Variants in JADE1 observed in about 807,000 individuals in gnomAD.
JADE1 encodes protein Jade-1.
Under a neutral mutation model 81.8 loss-of-function variants are expected in JADE1, and 14 were observed. The observed-to-expected ratio is 0.17, with a 90% CI of 0.11 to 0.27. JADE1 has a LOEUF of 0.27. Among genes scored for constraint, JADE1 ranks in the 10% least tolerant of loss-of-function variants. The probability of loss-of-function intolerance (pLI) is 1.00; values close to 1 mark genes in which losing one functional copy is unlikely to be tolerated. For synonymous variants in JADE1, 353 were observed against 391.9 expected, an observed-to-expected ratio of 0.90 and a Z score of 1.17; for missense variants, 690 against 1,047.9, an observed-to-expected ratio of 0.66 and a Z score of 4.71.
Position 128,852,212 on chromosome 4 carries a change from G to A in JADE1, c.640G>A (p.Gly214Ser). The A allele has an allele frequency of 6.2e-7, 1 of 1,614,116 alleles. No homozygotes were observed. The highest frequency in any genetic ancestry group is 8.5e-7 in the Non-Finnish European group (1 of 1,179,998). The part of the protein sequence containing the change: ...VVCDVCQSPD[G>S]EDGNEMVFCD... ...CTGTGATGTCTGCCAGTCTCCTGAT[G>A]GTGAGGACGGCAATGAGATGGTGTT... The change falls in exon 6 of 11, where the codon GGT becomes AGT. Residue 214 changes from glycine to serine, a missense_variant. By Grantham distance (56) the Gly-to-Ser change is moderately conservative. Transcript: ENST00000226319.
chr4:128,856,845 A>C (rs1221544726), intron 7 of JADE1, among the ~76,000 whole-genome samples: 1 of 152,218 alleles, frequency 6.6e-6, no homozygotes, highest in East Asian at 1.9e-4. Context: ...GGCTGAATGC[A>C]GAGATGATAC....
At chr4:128,824,262 C>CAA (rs962081857) in intron 1 of JADE1, among the ~76,000 whole-genome samples, 20 of 151,290 alleles carry the variant, frequency 1.3e-4, no homozygotes, top group Middle Eastern at 3.5e-3. Context: ...ACTAAAATTA[C>CAA]AAAAAAATAT....
intron 2 of JADE1, among the ~76,000 whole-genome samples, chr4:128,832,208 A>G (rs1490100796): frequency 6.6e-6 from 1 of 152,348 alleles, no homozygotes; most frequent in East Asian, 1.9e-4. Flanking sequence ...GCCTAGTGTG[A>G]TGTGAAAATT....
intron 1 of JADE1, among the ~76,000 whole-genome samples, chr4:128,821,127 G>A (rs1377083961): frequency 2.0e-5 from 3 of 152,260 alleles, no homozygotes; most frequent in East Asian, 1.9e-4. Context: ...GACCCCCAAG[G>A]CAGAATGGAA....
chr4:128,870,990 G>A (rs1732151719), intron 10 of JADE1, among the ~76,000 whole-genome samples: 1 of 152,194 alleles, frequency 6.6e-6, no homozygotes, highest in Admixed American at 6.5e-5. Flanking sequence ...CGGCGCAGGT[G>A]CTGCTCTGTA....
intron 1 of JADE1, among the ~76,000 whole-genome samples, chr4:128,820,699 A>T (rs532560675): frequency 1.0e-4 from 15 of 149,692 alleles, no homozygotes; most frequent in South Asian, 2.1e-4. Context: ...TTTTTTTTTT[A>T]AAACAGTACT....
chr4:128,817,309 T>C (rs1003371632), intron 1 of JADE1, among the ~76,000 whole-genome samples: 1 of 150,784 alleles, frequency 6.6e-6, no homozygotes, highest in African/African-American at 2.4e-5. Context: ...CTAACTGCGA[T>C]TACAAGTGTG....
intron 9 of JADE1, among the ~76,000 whole-genome samples, chr4:128,867,386 C>T (rs553568424): frequency 6.6e-6 from 1 of 152,344 alleles, no homozygotes; most frequent in South Asian, 2.1e-4. Context: ...CATGTTTACC[C>T]AGTTCAGCCT....
At chr4:128,823,158 A>G (rs1248938543) in intron 1 of JADE1, among the ~76,000 whole-genome samples, 1 of 152,142 alleles carries the variant, frequency 6.6e-6, no homozygotes, top group Non-Finnish European at 1.5e-5. Flanking sequence ...AAATGATTGG[A>G]ATGTTTTGTC....
At chr4:128,820,036 T>C (rs571820023) in intron 1 of JADE1, among the ~76,000 whole-genome samples, 2 of 152,338 alleles carry the variant, frequency 1.3e-5, no homozygotes, top group African/African-American at 4.8e-5. Context: ...GAAAGGTGGA[T>C]TAAATTATTT....
chr4:128,818,401 G>A (rs541201586), intron 1 of JADE1, among the ~76,000 whole-genome samples: 9 of 152,160 alleles, frequency 5.9e-5, no homozygotes, highest in South Asian at 2.1e-4. Flanking sequence ...GATTAGAAAC[G>A]TGAGCCACCA....
chr4:128,874,524 A>AAAAAC lies in JADE1; in HGVS notation c.*2269_*2273dup, dbSNP rs1448401794. ...AAAAAATATTAAAAAAAACCCACAC[A>AAAAAC]AAAACAAAACACACAAAAATAAAAA... On this transcript the variant is annotated 3_prime_UTR_variant, in exon 11 of 11. Coordinates refer to ENST00000226319, the MANE Select transcript of JADE1 (RefSeq NM_199320.4). 6.6e-6 allele frequency: 1 copy of AAAAAC among 152,518 alleles called. No individual in the cohort carries two copies. Among genetic ancestry groups the AAAAAC allele is most frequent in the African/African-American group, 2.4e-5 (1 of 41,406 alleles). The allele number at this position is 152,518 out of a possible 1,614,324, so 9.4% of individuals were successfully genotyped here. A position where few individuals can be genotyped will look rare whatever the true frequency, so the allele number is the denominator to read the frequency against.
intron 9 of JADE1, chr4:128,864,045 A>G (rs772137696): frequency 1.9e-5 from 19 of 985,218 alleles, no homozygotes; most frequent in Non-Finnish European, 2.3e-5. Context: ...CCAACGATGT[A>G]TGAGAAACAG....
At chr4:128,817,433 G>A (rs1727144563) in intron 1 of JADE1, among the ~76,000 whole-genome samples, 1 of 152,146 alleles carries the variant, frequency 6.6e-6, no homozygotes, top group Non-Finnish European at 1.5e-5. Flanking sequence ...AGTTTATAAG[G>A]ACTTACTTTA....
Position 128,873,273 on chromosome 4 carries a change from G to GAAAAAAAAAAAAAAAAAAAAAAAAAA in JADE1, c.*1018_*1019insAAAAAAAAAAAAAAAAAAAAAAAAAA, listed in dbSNP as rs1553953485. ...AGAAAAAGGAAAAAAAAAAAAAAAA[G>GAAAAAAAAAAAAAAAAAAAAAAAAAA]AAAAAAAGAAAAAAAAAAGAAAAAA... is the stretch of plus-strand genomic sequence containing the variant. On this transcript the variant is annotated 3_prime_UTR_variant, in exon 11 of 11. Transcript: ENST00000226319. 9 of 78,608 alleles carry GAAAAAAAAAAAAAAAAAAAAAAAAAA rather than the reference G, an allele frequency of 1.1e-4. No homozygotes were observed. Among genetic ancestry groups the GAAAAAAAAAAAAAAAAAAAAAAAAAA allele is most frequent in the East Asian group, 6.5e-4 (2 of 3,094 alleles). 4.9% of individuals were successfully genotyped at this position (78,608 alleles called of 1,614,324 possible). A position where few individuals can be genotyped will look rare whatever the true frequency, so the allele number is the denominator to read the frequency against.
chr4:128,854,526 C>T (rs1394797548), intron 6 of JADE1, among the ~76,000 whole-genome samples: 1 of 152,088 alleles, frequency 6.6e-6, no homozygotes, highest in Non-Finnish European at 1.5e-5. Flanking sequence ...TATTTATGGC[C>T]CCCAAACAGC....
At chr4:128,858,641 C>A (rs1054724978) in intron 8 of JADE1, among the ~76,000 whole-genome samples, 2 of 148,490 alleles carry the variant, frequency 1.3e-5, no homozygotes, top group Non-Finnish European at 3.0e-5. Flanking sequence ...CTCACTCTGT[C>A]GCCCAAGCTG....
At chr4:128,827,108 T>C (rs1399399282) in intron 1 of JADE1, among the ~76,000 whole-genome samples, 2 of 152,110 alleles carry the variant, frequency 1.3e-5, no homozygotes, top group Admixed American at 6.6e-5. Flanking sequence ...CCCTCCTCCT[T>C]GGTTATAAAT....
chr4:128,836,145 A>T (rs1229861991), intron 2 of JADE1, among the ~76,000 whole-genome samples: 1 of 152,166 alleles, frequency 6.6e-6, no homozygotes, highest in Non-Finnish European at 1.5e-5. Flanking sequence ...GATTTGGCAC[A>T]TGTGGGAATA....
Sources: gnomAD v4.1 joint callset for allele counts (sites outside exome capture counted in the v4.1 genomes callset) on GRCh38, gnomAD v4.1.1 for gene constraint, MANE v1.5 for transcripts, NCBI Gene and HGNC (gene_info 2026-07-23, HGNC 2026-07-21) for gene names.